The following PCBP2 variants were observed in gnomAD, a reference collection of about 807,000 sequenced individuals.
The protein encoded by PCBP2 is poly(rC) binding protein 2, also known as poly(rC)-binding protein 2.
In PCBP2, 4 loss-of-function variants were observed where a neutral mutation model predicts 50.1. That is an observed-to-expected ratio of 0.08 (90% CI 0.04 to 0.18). The LOEUF (loss-of-function observed/expected upper bound fraction) is 0.18. Among genes scored for constraint, PCBP2 ranks in the 10% least tolerant of loss-of-function variants. The pLI is 1.00. For synonymous variants in PCBP2, 179 were observed against 168.0 expected, an observed-to-expected ratio of 1.07 and a Z score of -0.51; for missense variants, 161 against 474.3, an observed-to-expected ratio of 0.34 and a Z score of 6.14.
intron 14 of PCBP2, chr12:53,475,600 T>C (rs1261606744): frequency 1.2e-5 from 2 of 172,530 alleles, no homozygotes; most frequent in Admixed American, 5.8e-5. Context: ...TCAGCAGGCC[T>C]TCTTGGCCAT....
At chr12:53,465,500 T>C (rs1280000052) in intron 9 of PCBP2, among the ~76,000 whole-genome samples, 2 of 152,144 alleles carry the variant, frequency 1.3e-5, no homozygotes, top group Non-Finnish European at 2.9e-5. Context: ...ACATACCATG[T>C]AGGTTTGTGC....
chr12:53,466,188 A>G (rs1219627203), intron 10 of PCBP2, among the ~76,000 whole-genome samples: 6 of 152,220 alleles, frequency 3.9e-5, no homozygotes, highest in African/African-American at 2.4e-5. Flanking sequence ...TTAATTCAGC[A>G]CATTAGCTTC....
At chr12:53,467,896 C>T (rs1941928539) in intron 12 of PCBP2, 53 bp downstream of exon 12, 4 of 1,310,708 alleles carry the variant, frequency 3.1e-6, no homozygotes, top group Non-Finnish European at 4.4e-6. Context: ...TATTAATAAA[C>T]TGGTGGGAGT....
chr12:53,473,798 CAAG>C (rs1423941059), intron 14 of PCBP2, among the ~76,000 whole-genome samples: 67 of 148,562 alleles, frequency 4.5e-4, no homozygotes, highest in Admixed American at 2.6e-3. Context: ...TTTTTTAAGT[CAAG>C]AAGGATTTTA....
intron 1 of PCBP2, among the ~76,000 whole-genome samples, chr12:53,453,840 G>T (rs542211257): frequency 6.6e-6 from 1 of 152,288 alleles, no homozygotes; most frequent in East Asian, 1.9e-4. Flanking sequence ...ACAATGTTAG[G>T]AATTGTTTCA....
chr12:53,458,753 A>G (rs768505281), intron 5 of PCBP2, among the ~76,000 whole-genome samples: 13 of 150,988 alleles, frequency 8.6e-5, no homozygotes, highest in Admixed American at 2.6e-4. Flanking sequence ...ATTCTCCCGC[A>G]TCAGCATCCT....
At position 53,462,773 on chromosome 12, in the gene PCBP2, G is replaced by A. The variant is rs533102744; in HGVS notation, c.579+206G>A. ...GCAATGGAAGTTTTGTAGGCACTCG[G>A]AAGAGGTAACTTACTTGTGGGTTGG... On this transcript the variant is annotated intron_variant, in intron 8 of 14. Coordinates refer to ENST00000546463, the MANE Select transcript of PCBP2 (RefSeq NM_031989.5). Among the ~76,000 whole-genome samples the A allele has an allele frequency of 4.0e-5, 6 of 150,898 alleles. No homozygotes were observed. In the East Asian group the frequency reaches 1.2e-3, roughly 29 times the overall value.
In PCBP2 at chr12:53,471,826, T is replaced by C. The variant is rs745973698; in HGVS notation, c.1052+19T>C. Reference sequence around the variant, plus strand: ...ATGTCAGGTAAGATTGCTCTACCTTTTGTCTTATTTATGCCAACACAGTAA... The same window carrying C: ...ATGTCAGGTAAGATTGCTCTACCTTCTGTCTTATTTATGCCAACACAGTAA... On this transcript the variant is annotated intron_variant, in intron 14 of 14. Coordinates refer to ENST00000546463, the MANE Select transcript of PCBP2 (RefSeq NM_031989.5). The C allele has an allele frequency of 6.2e-7, 1 of 1,604,298 alleles. No individual in the cohort carries two copies. The highest frequency in any genetic ancestry group is 1.1e-5 in the South Asian group (1 of 90,094).
chr12:53,454,158 T>G (rs1429536939), intron 1 of PCBP2, among the ~76,000 whole-genome samples: 1 of 152,212 alleles, frequency 6.6e-6, no homozygotes, highest in Non-Finnish European at 1.5e-5. Flanking sequence ...GATAATGCCT[T>G]TTCAGTGAGG....
intron 13 of PCBP2, among the ~76,000 whole-genome samples, chr12:53,471,293 T>A (rs1448361806): frequency 6.6e-6 from 1 of 150,706 alleles, no homozygotes; most frequent in African/African-American, 2.5e-5. Context: ...TTTTTTTTTT[T>A]AAAGGGCCAG....
At chr12:53,475,329 C>CTTTGGGGGATAACTGGGTGGGGG (rs1942504346) in intron 14 of PCBP2, 2 of 368,848 alleles carry the variant, frequency 5.4e-6, no homozygotes, top group Non-Finnish European at 1.1e-5. Context: ...CTTTTTACTA[C>CTTTGGGGGATAACTGGGTGGGGG]TTTGGGGGAT....
chr12:53,464,334 T>C (rs1454272286), intron 8 of PCBP2: 1 of 122,070 alleles, frequency 8.2e-6, no homozygotes, highest in East Asian at 2.8e-4. Flanking sequence ...CCCTCCCCTT[T>C]ATTTAGTTGA....
intron 12 of PCBP2, 58 bp downstream of exon 12, chr12:53,467,901 G>T: frequency 1.5e-6 from 2 of 1,295,928 alleles, no homozygotes; most frequent in Non-Finnish European, 2.2e-6. Context: ...ATAAACTGGT[G>T]GGAGTCTTGT....
rs368118707 is a variant in PCBP2 at position 53,468,763 on chromosome 12, C to T, written c.827-14C>T. 236 of 1,608,632 alleles carry T rather than the reference C, an allele frequency of 1.5e-4. No homozygotes were observed. In the African/African-American group the frequency reaches 2.8e-3, roughly 19 times the overall value. On this transcript the variant is annotated splice_polypyrimidine_tract_variant and intron_variant, in intron 12 of 14. Coordinates refer to ENST00000546463, the MANE Select transcript of PCBP2 (RefSeq NM_031989.5). ...GCTGTGCATTGAATTTGCTTGCTCT[C>T]TTCTGTCTTTTAGCAGGTTTGGATG... is the stretch of plus-strand genomic sequence containing the variant.
intron 8 of PCBP2, 109 bp downstream of exon 8, chr12:53,462,676 C>G: frequency 1.3e-6 from 1 of 775,588 alleles, no homozygotes; most frequent in African/African-American, 1.7e-5. Context: ...AACCTATACT[C>G]TGGCCATAGT....
At chr12:53,459,765 C>G (rs917178572) in intron 6 of PCBP2, 1 of 320,950 alleles carries the variant, frequency 3.1e-6, no homozygotes, top group Non-Finnish European at 6.3e-6. Flanking sequence ...AACTTTTTTT[C>G]TTTTTTTTGA....
intron 6 of PCBP2, among the ~76,000 whole-genome samples, chr12:53,459,606 T>A (rs1941296125): frequency 6.6e-6 from 1 of 152,204 alleles, no homozygotes; most frequent in African/African-American, 2.4e-5. Context: ...AATCAGAACA[T>A]GAGAATGTTA....
chr12:53,473,763 G>GT lies in PCBP2; in HGVS notation c.1052+1969dup, dbSNP rs34942612. On this transcript the variant is annotated intron_variant, in intron 14 of 14. Transcript: ENST00000546463. ...GCAGTTTAAATGCAGAAGTCAAAGGGTTTTTTTTTTTTTCCTTTCTCATTT... is the reference window on the plus strand; with the variant it reads ...GCAGTTTAAATGCAGAAGTCAAAGGGTTTTTTTTTTTTTTCCTTTCTCATTT... Among the ~76,000 whole-genome samples the GT allele has an allele frequency of 2.1e-3, 307 of 144,750 alleles. 1 individual carries two copies. The highest frequency in any genetic ancestry group is 5.1e-3 in the South Asian group (23 of 4,528). The allele number at this position is 144,750 out of a possible 152,430, so 95.0% of individuals were successfully genotyped here. A position where few individuals can be genotyped will look rare whatever the true frequency, so the allele number is the denominator to read the frequency against.
At chr12:53,468,884 A>G (rs185482958) in intron 13 of PCBP2, 52 bp downstream of exon 13, 69 of 1,348,902 alleles carry the variant, frequency 5.1e-5, no homozygotes, top group Non-Finnish European at 6.9e-5. Context: ...GACTGTAAAG[A>G]AATAGATGTC....
Sources: allele counts gnomAD v4.1 joint callset (sites outside exome capture counted in the v4.1 genomes callset), GRCh38; gene constraint gnomAD v4.1.1; transcripts MANE v1.5; gene names NCBI Gene and HGNC (gene_info 2026-07-23, HGNC 2026-07-21).